MILR1: variants seen among roughly 807,000 people sequenced by gnomAD.
MILR1 encodes the protein mast cell immunoglobulin like receptor 1.
A neutral mutation model predicts 18.5 loss-of-function variants in MILR1; 31 were observed. That is an observed-to-expected ratio of 1.68 (90% CI 1.26 to 2.26). The LOEUF is 2.26. Among genes scored for constraint, MILR1 ranks in the 30% most tolerant of loss-of-function variants. The pLI, the probability that MILR1 is intolerant of heterozygous loss-of-function variation, is 0.00. For synonymous variants in MILR1, 85 were observed against 56.2 expected, an observed-to-expected ratio of 1.51 and a Z score of -2.30; for missense variants, 257 against 157.4, an observed-to-expected ratio of 1.63 and a Z score of -3.38.
chr17:64,473,566 C>T (rs2037724534), downstream of MILR1, among the ~76,000 whole-genome samples: 1 of 152,094 alleles, frequency 6.6e-6, no homozygotes. Context: ...TAACTGAGAT[C>T]TGCAGTAGCA....
At chr17:64,470,379 C>G (rs1164279571), downstream of MILR1, among the ~76,000 whole-genome samples, 1 of 152,200 alleles carries the variant, frequency 6.6e-6, no homozygotes, top group Non-Finnish European at 1.5e-5. Flanking sequence ...CAGGCATGAG[C>G]TATTGCGCCC....
chr17:64,496,080 TAAGAA>T, the MILR1 span, among the ~76,000 whole-genome samples: 2 of 152,322 alleles, frequency 1.3e-5, no homozygotes, highest in South Asian at 4.1e-4. Flanking sequence ...AGAATAAATC[TAAGAA>T]AAGTTCAAAA....
At chr17:64,477,150 G>C in the MILR1 span, among the ~76,000 whole-genome samples, 1 of 152,302 alleles carries the variant, frequency 6.6e-6, no homozygotes, top group Non-Finnish European at 1.5e-5. Flanking sequence ...AGATGTGGCA[G>C]ATTCCATAAA....
At chr17:64,466,028 C>T (rs770299399) in intron 6 of MILR1, among the ~76,000 whole-genome samples, 6 of 152,142 alleles carry the variant, frequency 3.9e-5, no homozygotes, top group Admixed American at 6.6e-5. Flanking sequence ...CCCACAGTTC[C>T]GCAGGGCTTG....
At chr17:64,452,892 G>C (rs2037206240) in intron 3 of MILR1, 26 bp downstream of exon 3, 1 of 473,474 alleles carries the variant, frequency 2.1e-6, no homozygotes, top group Non-Finnish European at 3.9e-6. Flanking sequence ...GTTCCTTGGA[G>C]CCCCTATAAT....
intron 9 of MILR1, among the ~76,000 whole-genome samples, 168 bp from the exon 10 acceptor site, chr17:64,468,142 C>T (rs2037621957): frequency 6.6e-6 from 1 of 152,000 alleles, no homozygotes; most frequent in Non-Finnish European, 1.5e-5. Context: ...TTAGAGCAAC[C>T]ATTTCTGTAG....
the MILR1 span, chr17:64,497,067 G>C: frequency 8.0e-7 from 1 of 1,247,642 alleles, no homozygotes; most frequent in Non-Finnish European, 1.1e-6. Flanking sequence ...CGGCGCAGGC[G>C]CAACGGAGGT....
At chr17:64,485,682 C>A in the MILR1 span, 1 of 1,471,708 alleles carries the variant, frequency 6.8e-7, no homozygotes, top group Non-Finnish European at 9.5e-7. Context: ...ACAAACAAAC[C>A]CATATTTTTA....
chr17:64,463,968 C>T (rs948983099), intron 5 of MILR1, among the ~76,000 whole-genome samples: 3 of 151,720 alleles, frequency 2.0e-5, no homozygotes, highest in Admixed American at 6.6e-5. Flanking sequence ...GGATTACAGG[C>T]GCCCACCACC....
Position 64,468,612 on chromosome 17 carries a change from G to T in MILR1, c.*331G>T. On this transcript the variant is annotated 3_prime_UTR_variant, in exon 10 of 10. Coordinates refer to ENST00000619286, the MANE Select transcript of MILR1 (RefSeq NM_001085423.2). Reference sequence around the variant, plus strand: ...CCCTGAATCGCTTTAGTAAATAAAGGGTCTCCAAGAATAAATTCATCCGAA... The same window carrying T: ...CCCTGAATCGCTTTAGTAAATAAAGTGTCTCCAAGAATAAATTCATCCGAA... 1 of 1,129,802 alleles carries T rather than the reference G, an allele frequency of 8.9e-7. No homozygotes were observed. Among genetic ancestry groups the T allele is most frequent in the Non-Finnish European group, 1.1e-6 (1 of 914,316 alleles). 70.0% of individuals were successfully genotyped at this position (1,129,802 alleles called of 1,614,324 possible).
the MILR1 span, chr17:64,490,823 C>A: frequency 1.9e-6 from 3 of 1,613,234 alleles, no homozygotes; most frequent in African/African-American, 4.0e-5. Flanking sequence ...TGCCAGGATA[C>A]ATGTGTAAAA....
At position 64,458,963 on chromosome 17, in the gene MILR1, A is replaced by G. The variant is rs118193927; in HGVS notation, c.652+1279A>G. Among the ~76,000 whole-genome samples the G allele has an allele frequency of 6.0e-3, 911 of 152,278 alleles. 8 individuals carry two copies. The highest frequency in any genetic ancestry group is 0.021 in the African/African-American group (874 of 41,558). On this transcript the variant is annotated intron_variant, in intron 4 of 9. Transcript: ENST00000619286. The stretch of plus-strand genomic sequence containing the variant: ...GGGCTGGGGCGTCCACGTGCATGCA[A>G]GGCCCCTTAGGGTGCAGGTCAGAGC...
At chr17:64,481,071 C>A in the MILR1 span, among the ~76,000 whole-genome samples, 2 of 152,188 alleles carry the variant, frequency 1.3e-5, no homozygotes, top group African/African-American at 4.8e-5. Flanking sequence ...GGTTCCTCAC[C>A]CTTGCACTGC....
chr17:64,468,856 G>A (rs782470579), downstream of MILR1, among the ~76,000 whole-genome samples: 2 of 151,894 alleles, frequency 1.3e-5, no homozygotes, highest in Admixed American at 6.6e-5. Context: ...AGGCCAAGGT[G>A]GGTGGATCAC....
At position 64,466,472 on chromosome 17, in the gene MILR1, G is replaced by T. The variant is rs782615719; in HGVS notation, c.884G>T (p.Arg295Met). The T allele has an allele frequency of 7.4e-6, 12 of 1,613,870 alleles. No homozygotes were observed. Among genetic ancestry groups the T allele is most frequent in the Non-Finnish European group, 9.3e-6 (11 of 1,179,842 alleles). Residue 295 changes from arginine (R) to methionine (M), a missense_variant, in exon 7 of 10, where the codon AGG becomes ATG. Arg to Met is a moderately conservative substitution (Grantham distance 91). Coordinates refer to ENST00000619286, the MANE Select transcript of MILR1 (RefSeq NM_001085423.2). ...GAATCTGTGCCAGAAGTGGGATCCA[G>T]GCCGTGTGTTTCCACAGCCCAAGAT... ...KEESVPEVGS[R>M]PCVSTAQDEA...
chr17:64,489,911 A>G, the MILR1 span, among the ~76,000 whole-genome samples: 1 of 152,076 alleles, frequency 6.6e-6, no homozygotes, highest in Non-Finnish European at 1.5e-5. Flanking sequence ...AACACTTATT[A>G]ATTACTAGTT....
intron 4 of MILR1, among the ~76,000 whole-genome samples, chr17:64,458,465 G>A (rs1261203795): frequency 6.6e-6 from 1 of 151,698 alleles, no homozygotes; most frequent in Non-Finnish European, 1.5e-5. Context: ...TGCCCACCTC[G>A]GCCTCCCAAA....
At chr17:64,483,010 TA>T in the MILR1 span, 1 of 1,457,632 alleles carries the variant, frequency 6.9e-7, no homozygotes, top group Non-Finnish European at 9.6e-7. Flanking sequence ...CTAAGGCAAT[TA>T]AATGGGGGAG....
the MILR1 span, chr17:64,480,467 C>T: frequency 1.5e-6 from 1 of 678,022 alleles, no homozygotes; most frequent in East Asian, 3.0e-5. Context: ...TGTGAAGCCA[C>T]AAATCACCCT....
Sources: allele counts gnomAD v4.1 joint callset (sites outside exome capture counted in the v4.1 genomes callset), GRCh38; gene constraint gnomAD v4.1.1; transcripts MANE v1.5; gene names NCBI Gene and HGNC (gene_info 2026-07-23, HGNC 2026-07-21).